CNTNAP2: variants seen among roughly 807,000 people sequenced by gnomAD.
CNTNAP2 encodes the protein contactin-associated protein-like 2.
CNTNAP2 carries 98 observed loss-of-function variants against 155.2 expected under a neutral mutation model. That is an observed-to-expected ratio of 0.63 (90% CI 0.54 to 0.75). The LOEUF (loss-of-function observed/expected upper bound fraction) is 0.75. CNTNAP2 is among the 30% of genes least tolerant of loss of function. CNTNAP2 has a pLI of 0.00. For missense variants in CNTNAP2, 1,727 were observed against 1,688.1 expected (o/e 1.02, Z -0.40); for synonymous variants, 651 against 631.2 (o/e 1.03, Z -0.47).
intron 13 of CNTNAP2, among the ~76,000 whole-genome samples, chr7:147,852,177 G>T (rs529054689): frequency 6.6e-6 from 1 of 152,238 alleles, no homozygotes; most frequent in Admixed American, 6.5e-5. Context: ...ATGAATTCAT[G>T]AATTATGTAG....
At chr7:146,770,752 G>A (rs766287711) in intron 1 of CNTNAP2, among the ~76,000 whole-genome samples, 9 of 151,998 alleles carry the variant, frequency 5.9e-5, no homozygotes, top group Non-Finnish European at 1.2e-4. Flanking sequence ...AAGCCAATTT[G>A]TTTAATGTAA....
At chr7:147,411,457 C>T (rs911879586) in intron 10 of CNTNAP2, among the ~76,000 whole-genome samples, 1 of 152,126 alleles carries the variant, frequency 6.6e-6, no homozygotes, top group African/African-American at 2.4e-5. Flanking sequence ...GTTTTCCAGG[C>T]AAATCTGAAG....
intron 13 of CNTNAP2, among the ~76,000 whole-genome samples, chr7:147,663,012 T>C (rs769905533): frequency 6.0e-5 from 9 of 151,210 alleles, no homozygotes; most frequent in Non-Finnish European, 1.2e-4. Context: ...TGTTTGTTTG[T>C]TTTTGAGACC....
chr7:146,542,450 C>A (rs1445504086), intron 1 of CNTNAP2, among the ~76,000 whole-genome samples: 2 of 152,018 alleles, frequency 1.3e-5, no homozygotes, highest in African/African-American at 2.4e-5. Context: ...CTGGCAGAAA[C>A]CATCTAGACT....
chr7:147,168,327 G>A (rs1802161662), intron 8 of CNTNAP2, among the ~76,000 whole-genome samples: 1 of 151,816 alleles, frequency 6.6e-6, no homozygotes, highest in Non-Finnish European at 1.5e-5. Context: ...AATGATATTT[G>A]GGAATTACTG....
Position 148,365,891 on chromosome 7 carries a change from T to C in CNTNAP2, c.3476-17758T>C, listed in dbSNP as rs76966327. On this transcript the variant is annotated intron_variant, in intron 21 of 23. Transcript: ENST00000361727. ...ATGTGTATGCATGTATACATGTATGTGTATGCATGTATACATGCGTGTATG... is the reference window on the plus strand; with the variant it reads ...ATGTGTATGCATGTATACATGTATGCGTATGCATGTATACATGCGTGTATG... 2.6e-4 allele frequency among the ~76,000 whole-genome samples: 7 copies of C among 27,062 alleles called. 3 individuals carry two copies. Among genetic ancestry groups the C allele is most frequent in the East Asian group, 2.3e-3 (1 of 440 alleles). The allele number at this position is 27,062 out of a possible 152,430, so 17.8% of individuals were successfully genotyped here.
chr7:147,121,415 A>G (rs1730892862), intron 6 of CNTNAP2: 2 of 399,152 alleles, frequency 5.0e-6, no homozygotes, highest in South Asian at 5.3e-5. Context: ...CATGCTATCC[A>G]GGCCATTTAA....
intron 8 of CNTNAP2, among the ~76,000 whole-genome samples, chr7:147,243,549 T>C (rs1331829965): frequency 5.9e-5 from 9 of 152,128 alleles, no homozygotes; most frequent in Non-Finnish European, 1.0e-4. Flanking sequence ...TAAAGGTAAA[T>C]AGTGGGTGGG....
chr7:148,411,290 G>A (rs7790416), intron 23 of CNTNAP2, among the ~76,000 whole-genome samples: 43,618 of 151,984 alleles, frequency 0.29, 7,117 homozygotes, highest in African/African-American at 0.43. Context: ...TTGAGACAGA[G>A]TCTCACTTTC....
At chr7:146,674,673 C>A (rs66514771) in intron 1 of CNTNAP2, among the ~76,000 whole-genome samples, 16,252 of 152,032 alleles carry the variant, frequency 0.11, 2,133 homozygotes, top group African/African-American at 0.31. Flanking sequence ...CCCAAAGAGG[C>A]AGTTGGACCC....
chr7:147,654,822 T>C (rs886512833), intron 13 of CNTNAP2, among the ~76,000 whole-genome samples: 2 of 139,328 alleles, frequency 1.4e-5, no homozygotes, highest in East Asian at 4.0e-4. Flanking sequence ...TTTTTTTTTT[T>C]TTTTTTTTTG....
intron 1 of CNTNAP2, among the ~76,000 whole-genome samples, chr7:146,147,766 TGAACATTACAA>T (rs1436639541): frequency 6.6e-6 from 1 of 152,168 alleles, no homozygotes; most frequent in Admixed American, 6.6e-5. Context: ...GAATATACAG[TGAACATTACAA>T]ATATTCTAAG....
chr7:147,153,791 C>T (rs905075535), intron 8 of CNTNAP2, among the ~76,000 whole-genome samples: 8 of 152,094 alleles, frequency 5.3e-5, no homozygotes, highest in Non-Finnish European at 8.8e-5. Context: ...ATCTGTTTCA[C>T]ATTGTAAAAG....
intron 1 of CNTNAP2, among the ~76,000 whole-genome samples, chr7:146,132,299 G>A (rs994567988): frequency 2.0e-5 from 3 of 152,156 alleles, no homozygotes; most frequent in Admixed American, 1.3e-4. Context: ...TAAAGAGTAC[G>A]AACTTCATAG....
chr7:147,222,818 T>G (rs1256798927), intron 8 of CNTNAP2, among the ~76,000 whole-genome samples: 9 of 149,092 alleles, frequency 6.0e-5, no homozygotes, highest in Non-Finnish European at 1.3e-4. Context: ...AGGGTTTTTT[T>G]TTTTTTTTTT....
intron 1 of CNTNAP2, among the ~76,000 whole-genome samples, chr7:146,484,689 C>T (rs1255271687): frequency 6.6e-6 from 1 of 152,088 alleles, no homozygotes; most frequent in Admixed American, 6.6e-5. Flanking sequence ...TTTGAAAGCA[C>T]ACTTGTTTTG....
intron 8 of CNTNAP2, among the ~76,000 whole-genome samples, chr7:147,157,247 A>T (rs912251395): frequency 6.6e-6 from 1 of 152,068 alleles, no homozygotes; most frequent in African/African-American, 2.4e-5. Flanking sequence ...ATTTCTTTCT[A>T]TGGTGATAAT....
At chr7:146,737,303 T>C (rs1389593526) in intron 1 of CNTNAP2, among the ~76,000 whole-genome samples, 1 of 152,120 alleles carries the variant, frequency 6.6e-6, no homozygotes, top group Non-Finnish European at 1.5e-5. Context: ...TCACTTCAAC[T>C]CAGTATTTTT....
chr7:148,285,845 C>T (rs1051435681), intron 21 of CNTNAP2, among the ~76,000 whole-genome samples: 1 of 152,078 alleles, frequency 6.6e-6, no homozygotes, highest in African/African-American at 2.4e-5. Flanking sequence ...GTGCTGACCC[C>T]CTATGCAGTC....
Sources: allele counts gnomAD v4.1 joint callset (sites outside exome capture counted in the v4.1 genomes callset), GRCh38; gene constraint gnomAD v4.1.1; transcripts MANE v1.5; gene names NCBI Gene and HGNC (gene_info 2026-07-23, HGNC 2026-07-21).